Variants in CIZ1 observed in about 807,000 individuals in gnomAD.
CIZ1 encodes CDKN1A interacting zinc finger protein 1.
CIZ1 carries 58 observed loss-of-function variants against 118.6 expected under a neutral mutation model. The observed-to-expected ratio is 0.49, with a 90% CI of 0.40 to 0.61. CIZ1 has a LOEUF of 0.61. Ranked by LOEUF, CIZ1 falls within the 20% of genes least tolerant of loss-of-function variation. The pLI, the probability that CIZ1 is intolerant of heterozygous loss-of-function variation, is 0.00. For missense variants in CIZ1, 921 were observed against 1,115.9 expected (o/e 0.83, Z 2.49); for synonymous variants, 448 against 443.4 (o/e 1.01, Z -0.13).
In CIZ1 at chr9:128,176,342, C is replaced by A; in HGVS notation, c.1943+9G>T. The A allele has an allele frequency of 6.2e-7, 1 of 1,613,560 alleles. No individual in the cohort carries two copies. Among genetic ancestry groups the A allele is most frequent in the Non-Finnish European group, 8.5e-7 (1 of 1,179,652 alleles). On this transcript the variant is annotated intron_variant, in intron 11 of 16. Coordinates refer to ENST00000372938, the MANE Select transcript of CIZ1 (RefSeq NM_001131016.2). ...CCCCAACACAGAGCTTCCACGATCCCCCACTCACTCATCCTCTGTCTCCAG... is the reference window on the plus strand; with the variant it reads ...CCCCAACACAGAGCTTCCACGATCCACCACTCACTCATCCTCTGTCTCCAG...
intron 4 of CIZ1, among the ~76,000 whole-genome samples, chr9:128,186,270 G>A (rs569291513): frequency 1.3e-5 from 2 of 151,974 alleles, no homozygotes; most frequent in African/African-American, 4.8e-5. Flanking sequence ...TATCTCTACC[G>A]ATGACAAAAC....
At chr9:128,186,256 G>T (rs1309558178) in intron 4 of CIZ1, among the ~76,000 whole-genome samples, 1 of 152,048 alleles carries the variant, frequency 6.6e-6, no homozygotes. Flanking sequence ...TTCAGGGTGG[G>T]TGTTATCTCT....
chr9:128,173,305 C>T (rs1266978950), intron 11 of CIZ1, among the ~76,000 whole-genome samples: 2 of 152,024 alleles, frequency 1.3e-5, no homozygotes, highest in Middle Eastern at 3.4e-3. Context: ...CCACCACGCC[C>T]GGCTAATTTT....
Position 128,166,508 on chromosome 9 carries a change from G to T in CIZ1, c.2488-102C>A. ...GCTCTGGCTGAGACAGTATTAGTGT[G>T]CTCTGTGACCCTGCGTGATGCACTC... On this transcript the variant is annotated intron_variant, in intron 16 of 16. Transcript: ENST00000372938. The surrounding 1 kb of genome is among the most constrained non-coding windows in gnomAD (Gnocchi z 4.4). The T allele has an allele frequency of 1.8e-6, 2 of 1,083,568 alleles. No homozygotes were observed. The highest frequency in any genetic ancestry group is 1.6e-5 in the South Asian group (1 of 61,678). The allele number at this position is 1,083,568 out of a possible 1,614,324, so 67.1% of individuals were successfully genotyped here.
intron 3 of CIZ1, among the ~76,000 whole-genome samples, chr9:128,188,499 G>T (rs1279949360): frequency 1.3e-5 from 2 of 152,120 alleles, no homozygotes; most frequent in East Asian, 3.8e-4. Context: ...TTGTTTTTGA[G>T]AAAGGGTCTT....
At position 128,169,510 on chromosome 9, in the gene CIZ1, G is replaced by C; in HGVS notation, c.2041C>G (p.Gln681Glu). ...RRTQDHKIAK[Q>E]SLRPFCTVCN... Reference sequence around the variant, plus strand: ...ACGGTGCAGAAGGGTCGCAAGGATTGTTTGGCAATCTGGAAAAAGGCAGGC... The same window carrying C: ...ACGGTGCAGAAGGGTCGCAAGGATTCTTTGGCAATCTGGAAAAAGGCAGGC... Residue 681 changes from glutamine to glutamate, a missense_variant, in exon 13 of 17, where the codon CAA becomes GAA. By Grantham distance (29) the Gln-to-Glu change is conservative. Transcript: ENST00000372938. 1 of 1,614,184 alleles carries C rather than the reference G, an allele frequency of 6.2e-7. No homozygotes were observed. Among genetic ancestry groups the C allele is most frequent in the Non-Finnish European group, 8.5e-7 (1 of 1,180,024 alleles).
intron 11 of CIZ1, among the ~76,000 whole-genome samples, chr9:128,174,019 A>AC (rs60206678): frequency 0.59 from 77,203 of 130,612 alleles, 23,192 homozygotes; most frequent in Admixed American, 0.71. Flanking sequence ...AACAAAACAA[A>AC]AAAACAAAAA....
At chr9:128,167,999 C>T (rs1352578195) in intron 14 of CIZ1, among the ~76,000 whole-genome samples, 1 of 152,204 alleles carries the variant, frequency 6.6e-6, no homozygotes, top group African/African-American at 2.4e-5. Flanking sequence ...TCATACTACC[C>T]TGCCTAGGAC....
At chr9:128,199,770 C>A (rs1460503307) in intron 1 of CIZ1, 1 of 146,292 alleles carries the variant, frequency 6.8e-6, no homozygotes, top group East Asian at 2.1e-4. Context: ...AGTAAAGAAG[C>A]CATTTCTTTC....
At chr9:128,173,773 A>G (rs543349290) in intron 11 of CIZ1, among the ~76,000 whole-genome samples, 27 of 152,048 alleles carry the variant, frequency 1.8e-4, no homozygotes, top group East Asian at 5.9e-4. Context: ...TTGGGAGGCC[A>G]AGGCGGGCAG....
chr9:128,202,004 C>T (rs766958168), intron 1 of CIZ1, among the ~76,000 whole-genome samples: 18 of 152,218 alleles, frequency 1.2e-4, no homozygotes, highest in Non-Finnish European at 1.9e-4. Context: ...GCAGGGCACG[C>T]CATCTAACAG....
rs779205828 is a variant in CIZ1, at chr9:128,178,478, G to T, written c.1511C>A (p.Thr504Asn). The T allele has an allele frequency of 4.3e-6, 7 of 1,614,078 alleles. No homozygotes were observed. Among genetic ancestry groups the T allele is most frequent in the South Asian group, 2.2e-5 (2 of 91,092 alleles). ...TTGGGTGCCCACAGGCTCTGGCAAG[G>T]TCTTTTCCATGCCTGAAATGACAGA... is the stretch of plus-strand genomic sequence containing the variant. ...AVEAGGGMEK[T>N]LPEPVGTQVS... Residue 504 changes from threonine (T) to asparagine (N), a missense_variant, in exon 9 of 17, where the codon ACC becomes AAC. Physicochemically the swap from Thr to Asn is moderately conservative, Grantham distance 65. Transcript: ENST00000372938.
chr9:128,173,059 G>A (rs1830335090), intron 11 of CIZ1, among the ~76,000 whole-genome samples: 1 of 151,782 alleles, frequency 6.6e-6, no homozygotes, highest in Admixed American at 6.6e-5. Context: ...CTACCTCCTG[G>A]GCTCGAGCAA....
intron 1 of CIZ1, 101 bp from the exon 2 acceptor site, chr9:128,190,963 C>CT (rs1449377903): frequency 3.1e-5 from 45 of 1,435,506 alleles, no homozygotes; most frequent in African/African-American, 5.7e-5. Context: ...CCCGCAGAGA[C>CT]TGCTGAGGAG....
At chr9:128,186,147 C>T (rs1832341953) in intron 4 of CIZ1, among the ~76,000 whole-genome samples, 1 of 152,012 alleles carries the variant, frequency 6.6e-6, no homozygotes, top group Non-Finnish European at 1.5e-5. Flanking sequence ...AGACACCCAC[C>T]CCCACCCCTA....
intron 5 of CIZ1, among the ~76,000 whole-genome samples, chr9:128,183,478 G>A (rs1228120407): frequency 1.3e-5 from 2 of 152,206 alleles, no homozygotes; most frequent in African/African-American, 2.4e-5. Flanking sequence ...GAAGTGGCCC[G>A]CCCTGGAGTG....
chr9:128,166,758 C>T lies in CIZ1; in HGVS notation c.2487+1G>A. 6.2e-7 allele frequency: 1 copy of T among 1,614,190 alleles called. No individual in the cohort carries two copies. The highest frequency in any genetic ancestry group is 8.5e-7 in the Non-Finnish European group (1 of 1,180,018). On this transcript the variant is annotated splice_donor_variant, in intron 16 of 16. Transcript: ENST00000372938. LOFTEE classifies it high-confidence loss of function. The surrounding 1 kb of genome is among the most constrained non-coding windows in gnomAD (Gnocchi z 4.4). Reference sequence around the variant, plus strand: ...AGGACAGGGCAGGATGTCCGGCTCACCTGCAGGTTCTCAAAGTGGCCCAGG... The same window carrying T: ...AGGACAGGGCAGGATGTCCGGCTCATCTGCAGGTTCTCAAAGTGGCCCAGG...
At position 128,203,416 on chromosome 9, in the gene CIZ1, G is replaced by C. The variant is rs1833606288; in HGVS notation, c.-6+770C>G. 1.5e-6 allele frequency: 2 copies of C among 1,369,420 alleles called. No homozygotes were observed. The highest frequency in any genetic ancestry group is 3.4e-5 in the Admixed American group (1 of 29,152). The allele number at this position is 1,369,420 out of a possible 1,614,324, so 84.8% of individuals were successfully genotyped here. On this transcript the variant is annotated intron_variant, in intron 1 of 17. Transcript: ENST00000372948. This position sits in a 1 kb window ranked among gnomAD's most constrained non-coding sequence, Gnocchi z 5.3. ...CGGCTGCAGCGGCGGAGCCGGAGTC[G>C]GAGCCGGGAGCGCTAGCGGCAGCCG...
intron 5 of CIZ1, among the ~76,000 whole-genome samples, chr9:128,181,825 C>T (rs1343113825): frequency 6.6e-6 from 1 of 152,052 alleles, no homozygotes; most frequent in African/African-American, 2.4e-5. Flanking sequence ...TGCTCCTCCA[C>T]CTCTTGTGGA....
Sources: gnomAD v4.1 joint callset for allele counts (sites outside exome capture counted in the v4.1 genomes callset) on GRCh38, gnomAD v4.1.1 for gene constraint, Gnocchi (gnomAD v3.1) non-coding constraint, MANE v1.5 for transcripts, NCBI Gene and HGNC (gene_info 2026-07-23, HGNC 2026-07-21) for gene names.